The following CCDC187 variants were observed in gnomAD, a reference collection of about 807,000 sequenced individuals.
The protein encoded by CCDC187 is coiled-coil domain containing 187, also known as coiled-coil domain-containing protein 187.
A neutral mutation model predicts 38.0 loss-of-function variants in CCDC187; 32 were observed. The observed-to-expected ratio is 0.84, with a 90% CI of 0.64 to 1.13. The LOEUF (loss-of-function observed/expected upper bound fraction) is 1.13. Among genes scored for constraint, CCDC187 ranks in the 50% most tolerant of loss-of-function variants. The pLI is 0.00. For missense variants in CCDC187, 707 were observed against 786.8 expected, an observed-to-expected ratio of 0.90 and a Z score of 1.21; for synonymous variants, 333 against 347.9, an observed-to-expected ratio of 0.96 and a Z score of 0.48.
chr9:136,265,137 C>T (rs1339123299), intron 17 of CCDC187, among the ~76,000 whole-genome samples: 1 of 152,204 alleles, frequency 6.6e-6, no homozygotes, highest in Non-Finnish European at 1.5e-5. Flanking sequence ...GCACAGCGGC[C>T]GCGACCTGTG....
chr9:136,283,718 G>A (rs1831102579), intron 9 of CCDC187, among the ~76,000 whole-genome samples: 1 of 152,234 alleles, frequency 6.6e-6, no homozygotes, highest in African/African-American at 2.4e-5. Flanking sequence ...GGAACGCTGA[G>A]ACCTCAGCCT....
In CCDC187 at chr9:136,272,256, G is replaced by A. The variant is rs561959599; in HGVS notation, c.3442+2402C>T. Among the ~76,000 whole-genome samples the A allele has an allele frequency of 2.8e-4, 43 of 152,284 alleles. 1 individual carries two copies. The South Asian group carries it at 8.3e-3, about 29-fold the overall frequency. ...AGAGCACCAGAAATGGTAAAATGAC[G>A]ACTATGTGCAGATGTAAATATAAAC... On this transcript the variant is annotated intron_variant, in intron 14 of 25. Transcript: ENST00000638797.
chr9:136,281,730 G>T, intron 9 of CCDC187, 67 bp from the exon 10 acceptor site: 1 of 398,404 alleles, frequency 2.5e-6, no homozygotes, highest in Non-Finnish European at 4.4e-6. Context: ...AGGGAGATCC[G>T]GGGGACAGCC....
At chr9:136,261,822 GCTGGCCCTGGGGGC>G (rs1830682238) in intron 19 of CCDC187, among the ~76,000 whole-genome samples, 1 of 152,234 alleles carries the variant, frequency 6.6e-6, no homozygotes, top group South Asian at 2.1e-4. Flanking sequence ...CTTGAGGGCT[GCTGGCCCTGGGGGC>G]CTGAGCTCAA....
rs955902041 is a variant in CCDC187, at chr9:136,289,817, G to A, written c.2222+142C>T. 3.6e-5 allele frequency: 14 copies of A among 393,096 alleles called. No homozygotes were observed. In the South Asian group the frequency reaches 5.7e-4, roughly 16 times the overall value. The allele number at this position is 393,096 out of a possible 1,614,324, so 24.4% of individuals were successfully genotyped here. The stretch of plus-strand genomic sequence containing the variant: ...CAAGCAGGCAGGTGGCACTGTGGGC[G>A]GGCAGGGCAGAGCCTGCCCCACCTG... On this transcript the variant is annotated intron_variant, in intron 7 of 25. Coordinates refer to ENST00000638797, the MANE Select transcript of CCDC187 (RefSeq NM_001378188.1).
Position 136,281,594 on chromosome 9 carries a change from G to C in CCDC187, c.2997C>G (p.Val999=). Reference sequence around the variant, plus strand: ...AGGGCGCCACAGAATCTGCCCCTCCGACCGACGGCGTCTCCTCCAGTCCCA... The same window carrying C: ...AGGGCGCCACAGAATCTGCCCCTCCCACCGACGGCGTCTCCTCCAGTCCCA... The part of the protein sequence containing the change: ...GSLGLEETPS[V]GGADSVAPCT... The change falls in exon 10 of 26, where the codon GTC becomes GTG. Residue 999 remains valine (V), a synonymous_variant. Transcript: ENST00000638797. The C allele has an allele frequency of 2.5e-6, 1 of 398,568 alleles. No individual in the cohort carries two copies. Among genetic ancestry groups the C allele is most frequent in the Non-Finnish European group, 4.4e-6 (1 of 226,048 alleles). 24.7% of individuals were successfully genotyped at this position (398,568 alleles called of 1,614,324 possible).
chr9:136,293,718 A>G (rs1182518810), intron 4 of CCDC187, among the ~76,000 whole-genome samples: 2 of 151,858 alleles, frequency 1.3e-5, no homozygotes, highest in Non-Finnish European at 2.9e-5. Flanking sequence ...ATGCTTTCAC[A>G]TGCTCACTCA....
intron 3 of CCDC187, among the ~76,000 whole-genome samples, chr9:136,299,503 C>T (rs1408140280): frequency 6.6e-6 from 1 of 152,248 alleles, no homozygotes; most frequent in East Asian, 1.9e-4. Context: ...TTGCCGGCGT[C>T]TGCCTGTCTC....
intron 4 of CCDC187, among the ~76,000 whole-genome samples, chr9:136,293,455 A>ACACACATGCT (rs1183029197): frequency 6.1e-5 from 8 of 130,844 alleles, no homozygotes; most frequent in African/African-American, 2.5e-4. Flanking sequence ...ACACATGCTC[A>ACACACATGCT]CACTCACACT....
chr9:136,276,456 G>C (rs1830932452), intron 11 of CCDC187, among the ~76,000 whole-genome samples, 155 bp from the exon 12 acceptor site: 1 of 152,084 alleles, frequency 6.6e-6, no homozygotes, highest in South Asian at 2.1e-4. Context: ...TTCCCCATCA[G>C]CCCGGGAAGG....
intron 19 of CCDC187, among the ~76,000 whole-genome samples, chr9:136,261,304 G>T (rs1178329803): frequency 1.3e-5 from 2 of 152,158 alleles, no homozygotes; most frequent in African/African-American, 4.8e-5. Flanking sequence ...GCTTCTCGTG[G>T]GTAGGCTCCC....
chr9:136,270,169 T>C (rs1384688814), intron 14 of CCDC187, among the ~76,000 whole-genome samples: 1 of 152,196 alleles, frequency 6.6e-6, no homozygotes, highest in Non-Finnish European at 1.5e-5. Context: ...GTTCTCCCCA[T>C]GTGCGGAGAT....
At chr9:136,255,756 C>T (rs1830604163) in intron 24 of CCDC187, 23 bp from the exon 25 acceptor site, 2 of 981,970 alleles carry the variant, frequency 2.0e-6, no homozygotes, top group Non-Finnish European at 1.2e-6. Context: ...TCGTGGAGAA[C>T]CCTGTGGGGA....
Position 136,267,412 on chromosome 9 carries a change from C to G in CCDC187, c.3619G>C (p.Glu1207Gln). 1.0e-6 allele frequency: 1 copy of G among 985,552 alleles called. No individual in the cohort carries two copies. Among genetic ancestry groups the G allele is most frequent in the Non-Finnish European group, 1.2e-6 (1 of 830,024 alleles). 61.1% of individuals were successfully genotyped at this position (985,552 alleles called of 1,614,324 possible). ...CGTCGATGCTCCAGCCAGGCCAGCT[C>G]CGCGAGCGTTTTCTCCTGGAGCGCC... is the stretch of plus-strand genomic sequence containing the variant. ...EMALQEKTLA[E>Q]LAWLEHRRGC... The change falls in exon 16 of 26, where the codon GAG (glutamate) becomes CAG (glutamine). Residue 1207 changes from glutamate to glutamine, a missense_variant. Glu to Gln is a conservative substitution (Grantham distance 29, BLOSUM62 2). Transcript: ENST00000638797.
intron 10 of CCDC187, among the ~76,000 whole-genome samples, chr9:136,278,266 C>T (rs958399703): frequency 2.6e-5 from 4 of 152,236 alleles, no homozygotes; most frequent in African/African-American, 4.8e-5. Context: ...GGGAGCCCCA[C>T]AGTCCTGCGG....
chr9:136,305,916 G>C (rs1315093635), upstream of CCDC187, among the ~76,000 whole-genome samples: 1 of 152,210 alleles, frequency 6.6e-6, no homozygotes, highest in African/African-American at 2.4e-5. Flanking sequence ...TCCAGACGCA[G>C]CTCTGAATCA....
Position 136,303,205 on chromosome 9 carries a change from G to T in CCDC187, c.232C>A (p.His78Asn), listed in dbSNP as rs1428278521. ...QQPDPPWAAP[H>N]VVGSDDLKEP... ...TTGAGGTCGTCAGACCCGACCACGTGGGGAGCTGCCCAGGGTGGGTCTGGC... is the reference window on the plus strand; with the variant it reads ...TTGAGGTCGTCAGACCCGACCACGTTGGGAGCTGCCCAGGGTGGGTCTGGC... The change falls in exon 2 of 26, where the codon CAC becomes AAC. Residue 78 changes from histidine (H) to asparagine (N), a missense_variant. Transcript: ENST00000638797. The T allele has an allele frequency of 1.8e-5, 7 of 398,436 alleles. No homozygotes were observed. The highest frequency in any genetic ancestry group is 2.7e-5 in the Non-Finnish European group (6 of 226,090). The allele number at this position is 398,436 out of a possible 1,614,324, so 24.7% of individuals were successfully genotyped here. A position where few individuals can be genotyped will look rare whatever the true frequency, so the allele number is the denominator to read the frequency against.
At position 136,274,863 on chromosome 9, in the gene CCDC187, GCCCC is replaced by G. The variant is rs1554762937; in HGVS notation, c.3350+16_3350+19del. The G allele has an allele frequency of 2.6e-5, 4 of 152,382 alleles. No homozygotes were observed. The highest frequency in any genetic ancestry group is 6.5e-5 in the Admixed American group (1 of 15,292). 9.4% of individuals were successfully genotyped at this position (152,382 alleles called of 1,614,324 possible). On this transcript the variant is annotated intron_variant, in intron 13 of 25. Coordinates refer to ENST00000638797, the MANE Select transcript of CCDC187 (RefSeq NM_001378188.1). ...TTTCCACATTGGGAGGGGGTGGCCA[GCCCC>G]AGCCCCCGACCTCACCTGGGTGTGG...
chr9:136,251,949 T>C lies in CCDC187; in HGVS notation c.*1645A>G, dbSNP rs1231238801. ...TGGGAAGAGCCGGCCGCCCACCCAG[T>C]CCACCCCGGGAAGGTCCAGGCGACC... On this transcript the variant is annotated 3_prime_UTR_variant, in exon 26 of 26. Coordinates refer to ENST00000638797, the MANE Select transcript of CCDC187 (RefSeq NM_001378188.1). 1.5e-4 allele frequency: 15 copies of C among 99,748 alleles called. No homozygotes were observed. The highest frequency in any genetic ancestry group is 3.4e-4 in the East Asian group (1 of 2,966). The allele number at this position is 99,748 out of a possible 1,614,324, so 6.2% of individuals were successfully genotyped here. A position where few individuals can be genotyped will look rare whatever the true frequency, so the allele number is the denominator to read the frequency against.
Sources: allele counts gnomAD v4.1 joint callset (sites outside exome capture counted in the v4.1 genomes callset), GRCh38; gene constraint gnomAD v4.1.1; transcripts MANE v1.5; gene names NCBI Gene and HGNC (gene_info 2026-07-23, HGNC 2026-07-21).